HOXA3: variants seen among roughly 807,000 people sequenced by gnomAD.
HOXA3 encodes homeobox A3, also known as homeobox protein Hox-A3.
In HOXA3, 8 loss-of-function variants were observed where a neutral mutation model predicts 30.3. The observed-to-expected ratio is 0.26, with a 90% CI of 0.15 to 0.48. The LOEUF is 0.48. Ranked by LOEUF, HOXA3 falls within the 20% of genes least tolerant of loss-of-function variation. The pLI is 0.99. For synonymous variants in HOXA3, 323 were observed against 273.1 expected, an observed-to-expected ratio of 1.18 and a Z score of -1.80; for missense variants, 653 against 614.4, an observed-to-expected ratio of 1.06 and a Z score of -0.66.
intron 4 of HOXA3, among the ~76,000 whole-genome samples, chr7:27,117,927 GC>G (rs199693444): frequency 6.6e-6 from 1 of 152,162 alleles, no homozygotes; most frequent in East Asian, 1.9e-4. Context: ...CCACCTAGGA[GC>G]CCCCCTAGTG....
At position 27,108,289 on chromosome 7, in the gene HOXA3, C is replaced by T. The variant is rs1292187242; in HGVS notation, c.958G>A (p.Ala320Thr). The change falls in exon 6 of 6, where the codon GCA (alanine) becomes ACA (threonine). Residue 320 changes from alanine (A) to threonine (T), a missense_variant. Physicochemically the swap from Ala to Thr is moderately conservative, Grantham distance 58 (BLOSUM62 0). This residue lies in a region of HOXA3 where 330 missense variants were observed against 274.4 expected (regional missense o/e 1.20). Coordinates refer to ENST00000612286, the MANE Select transcript of HOXA3 (RefSeq NM_153631.3). The surrounding 1 kb of genome is among the most constrained non-coding windows in gnomAD (Gnocchi z 5.0). ...CGCTTCTGTGGGGGTGGCGGGGGTG[C>T]GCAGCTGGGCAGGGACGCAGGGTAG... ...ASYPASLPSC[A>T]PPPPPQKRYT... 2.0e-6 allele frequency: 3 copies of T among 1,516,560 alleles called. No individual in the cohort carries two copies. The highest frequency in any genetic ancestry group is 4.3e-5 in the Admixed American group (2 of 46,570). 93.9% of individuals were successfully genotyped at this position (1,516,560 alleles called of 1,614,324 possible).
rs1412048571 is a variant in HOXA3 at position 27,108,782 on chromosome 7, A to AC, written c.527-63dup. 1 of 1,328,840 alleles carries AC rather than the reference A, an allele frequency of 7.5e-7. No individual in the cohort carries two copies. Among genetic ancestry groups the AC allele is most frequent in the Non-Finnish European group, 1.0e-6 (1 of 982,920 alleles). 82.3% of individuals were successfully genotyped at this position (1,328,840 alleles called of 1,614,324 possible). On this transcript the variant is annotated intron_variant, in intron 5 of 5. Coordinates refer to ENST00000612286, the MANE Select transcript of HOXA3 (RefSeq NM_153631.3). This position sits in a 1 kb window ranked among gnomAD's most constrained non-coding sequence, Gnocchi z 5.0. ...CTGCCGCGGCCCCGCCCAGCCCCTG[A>AC]CCCAGCCCGGCCCCTCCTTCCACCA...
chr7:27,129,435 C>T, intron 2 of HOXA3: 3 of 1,614,112 alleles, frequency 1.9e-6, no homozygotes, highest in Non-Finnish European at 2.5e-6. Flanking sequence ...ACAAACAGAG[C>T]GTGTGGGCGA....
At chr7:27,112,384 TG>T (rs918302981) in intron 4 of HOXA3, among the ~76,000 whole-genome samples, 7 of 152,240 alleles carry the variant, frequency 4.6e-5, no homozygotes, top group Non-Finnish European at 1.0e-4. Context: ...ATAATTCCAT[TG>T]TTGATAATGG....
chr7:27,149,843 G>A (rs1562733893), intron 1 of HOXA3, among the ~76,000 whole-genome samples: 1 of 152,208 alleles, frequency 6.6e-6, no homozygotes, highest in African/African-American at 2.4e-5. Flanking sequence ...TTTTAAGCAA[G>A]TTATTATTTA....
chr7:27,147,138 A>T (rs1782795785), intron 1 of HOXA3: 1 of 682,830 alleles, frequency 1.5e-6, no homozygotes, highest in Non-Finnish European at 2.4e-6. Flanking sequence ...ATGGCCTGAT[A>T]GCCCCATTGG....
intron 3 of HOXA3, chr7:27,123,601 C>A (rs1785144019): frequency 6.6e-6 from 1 of 152,394 alleles, no homozygotes; most frequent in Admixed American, 6.5e-5. Flanking sequence ...CGTCTACAGA[C>A]CTATCCCTGC....
rs538230708 is a variant in HOXA3, at chr7:27,129,334, T to C, written c.-389-2264A>G. 4.4e-5 allele frequency: 71 copies of C among 1,614,106 alleles called. 1 individual carries two copies. In the South Asian group the frequency reaches 7.1e-4, roughly 16 times the overall value. Reference sequence around the variant, plus strand: ...TGGGCCGGCAGAGGCCGAGGCCGAATTGGAGGATCGCATCTTGGTGTTGGG... The same window carrying C: ...TGGGCCGGCAGAGGCCGAGGCCGAACTGGAGGATCGCATCTTGGTGTTGGG... On this transcript the variant is annotated intron_variant, in intron 2 of 5. Coordinates refer to ENST00000612286, the MANE Select transcript of HOXA3 (RefSeq NM_153631.3).
At chr7:27,149,297 A>C (rs1782888120) in intron 1 of HOXA3, among the ~76,000 whole-genome samples, 1 of 152,232 alleles carries the variant, frequency 6.6e-6, no homozygotes, top group African/African-American at 2.4e-5. Context: ...GAGGTTGAAG[A>C]AAGACTATTT....
chr7:27,142,958 G>A, intron 1 of HOXA3: 2 of 1,233,442 alleles, frequency 1.6e-6, no homozygotes, highest in East Asian at 5.1e-5. Flanking sequence ...GAGACCAAGA[G>A]AGACTGGGAG....
At chr7:27,147,395 G>T in intron 1 of HOXA3, 1 of 1,614,194 alleles carries the variant, frequency 6.2e-7, no homozygotes, top group Non-Finnish European at 8.5e-7. Context: ...GCTTTGCCCT[G>T]CCCGCTGCTG....
At chr7:27,152,266 A>C in intron 1 of HOXA3, 22 bp downstream of exon 1, 4 of 1,269,672 alleles carry the variant, frequency 3.2e-6, no homozygotes, top group Non-Finnish European at 4.1e-6. Context: ...CTTTGCTCCT[A>C]TCTCCTCCCC....
At position 27,108,760 on chromosome 7, in the gene HOXA3, C is replaced by A. The variant is rs1784186164; in HGVS notation, c.527-40G>T. ...AGAGGAAGAGCGGCGTCAGGGGCTG[C>A]CGCGGCCCCGCCCAGCCCCTGACCC... On this transcript the variant is annotated intron_variant, in intron 5 of 5. Transcript: ENST00000612286. The surrounding 1 kb of genome is among the most constrained non-coding windows in gnomAD (Gnocchi z 5.0). 1 of 1,480,720 alleles carries A rather than the reference C, an allele frequency of 6.8e-7. No individual in the cohort carries two copies. Among genetic ancestry groups the A allele is most frequent in the East Asian group, 2.3e-5 (1 of 43,502 alleles). 91.7% of individuals were successfully genotyped at this position (1,480,720 alleles called of 1,614,324 possible). A position where few individuals can be genotyped will look rare whatever the true frequency, so the allele number is the denominator to read the frequency against.
chr7:27,133,919 C>G (rs1785638889), intron 2 of HOXA3, among the ~76,000 whole-genome samples: 1 of 152,184 alleles, frequency 6.6e-6, no homozygotes, highest in African/African-American at 2.4e-5. Context: ...TGAAGTTCAC[C>G]TCGGCCTTGG....
chr7:27,114,845 A>ATATATATTATATATTATATATT lies in HOXA3; in HGVS notation c.-120-4086_-120-4085insAATATATAATATATAATATATA, dbSNP rs1491150531. Among the ~76,000 whole-genome samples the ATATATATTATATATTATATATT allele has an allele frequency of 3.4e-4, 9 of 26,842 alleles. 1 individual carries two copies. Among genetic ancestry groups the ATATATATTATATATTATATATT allele is most frequent in the Admixed American group, 7.9e-4 (2 of 2,524 alleles). The allele number at this position is 26,842 out of a possible 152,430, so 17.6% of individuals were successfully genotyped here. On this transcript the variant is annotated intron_variant, in intron 4 of 5. Coordinates refer to ENST00000612286, the MANE Select transcript of HOXA3 (RefSeq NM_153631.3). ...TATATATAATATATATTATATATAT[A>ATATATATTATATATTATATATT]ATATATATTATATATATAATATATA... is the stretch of plus-strand genomic sequence containing the variant.
chr7:27,134,757 A>C lies in HOXA3; in HGVS notation c.-390+5326T>G, dbSNP rs930119395. Among the ~76,000 whole-genome samples, 47 of 152,228 alleles carry C rather than the reference A, an allele frequency of 3.1e-4. 1 individual carries two copies. Among genetic ancestry groups the C allele is most frequent in the African/African-American group, 1.1e-3 (45 of 41,450 alleles). The stretch of plus-strand genomic sequence containing the variant: ...AGAAGCACCCTGATTACTTCCATGA[A>C]GGCAGTGTTTGGAAAATATTTACTT... On this transcript the variant is annotated intron_variant, in intron 2 of 5. Transcript: ENST00000612286.
chr7:27,143,278 G>A (rs750737620), intron 1 of HOXA3: 1 of 1,605,008 alleles, frequency 6.2e-7, no homozygotes, highest in Non-Finnish European at 8.5e-7. Context: ...TGTCGCTGCC[G>A]GGCGAGGGGG....
chr7:27,118,914 G>T (rs779926768), intron 4 of HOXA3, among the ~76,000 whole-genome samples: 29 of 152,176 alleles, frequency 1.9e-4, no homozygotes, highest in Admixed American at 6.5e-4. Flanking sequence ...CCTGACAAAA[G>T]GTTAAAGCAT....
In HOXA3 at chr7:27,107,519, T is replaced by C. The variant is rs567608456; in HGVS notation, c.*396A>G. On this transcript the variant is annotated 3_prime_UTR_variant, in exon 6 of 6. Transcript: ENST00000612286. ...AAGAAGTGCAATTAAAAAAAAAATT[T>C]AAAATTAAAAAAAGTAATCGCTTCC... 56 of 162,844 alleles carry C rather than the reference T, an allele frequency of 3.4e-4. No homozygotes were observed. In the East Asian group the frequency reaches 9.4e-3, roughly 27 times the overall value. 10.1% of individuals were successfully genotyped at this position (162,844 alleles called of 1,614,324 possible).
Sources: gnomAD v4.1 joint callset for allele counts (sites outside exome capture counted in the v4.1 genomes callset) on GRCh38, gnomAD v4.1.1 for gene constraint, gnomAD v4.1.1 regional missense constraint, Gnocchi (gnomAD v3.1) non-coding constraint, MANE v1.5 for transcripts, NCBI Gene and HGNC (gene_info 2026-07-23, HGNC 2026-07-21) for gene names.